Variants in RBFOX1 observed in about 807,000 individuals in gnomAD.
The protein encoded by RBFOX1 is RNA binding fox-1 homolog 1, also known as RNA binding protein fox-1 homolog 1.
RBFOX1 carries 8 observed loss-of-function variants against 57.7 expected under a neutral mutation model. That is an observed-to-expected ratio of 0.14 (90% CI 0.08 to 0.25). The LOEUF is 0.25. Among genes scored for constraint, RBFOX1 ranks in the 10% least tolerant of loss-of-function variants. RBFOX1 has a pLI of 1.00. For missense variants in RBFOX1, 611 were observed against 548.5 expected (o/e 1.11, Z -1.14); for synonymous variants, 326 against 222.4 (o/e 1.47, Z -4.15).
At chr16:5,305,555 T>C (rs2063912526) in intron 1 of RBFOX1, among the ~76,000 whole-genome samples, 1 of 152,220 alleles carries the variant, frequency 6.6e-6, no homozygotes, top group Admixed American at 6.5e-5. Flanking sequence ...GCTGTTAGGA[T>C]CTGTGAGATT....
chr16:6,642,694 C>G (rs1389773252), intron 2 of RBFOX1, among the ~76,000 whole-genome samples: 4 of 152,060 alleles, frequency 2.6e-5, no homozygotes, highest in Non-Finnish European at 5.9e-5. Context: ...GATGAAAAGC[C>G]TGCTGTCTTT....
intron 3 of RBFOX1, among the ~76,000 whole-genome samples, chr16:5,759,070 TG>T (rs1216140872): frequency 6.6e-6 from 1 of 152,190 alleles, no homozygotes; most frequent in African/African-American, 2.4e-5. Context: ...TTCCATAAAA[TG>T]GGGAGGCTAC....
At chr16:5,249,557 T>C (rs2062393016) in intron 1 of RBFOX1, among the ~76,000 whole-genome samples, 1 of 152,254 alleles carries the variant, frequency 6.6e-6, no homozygotes, top group African/African-American at 2.4e-5. Flanking sequence ...CTGCCTTTCC[T>C]GCCTTGGACT....
intron 4 of RBFOX1, among the ~76,000 whole-genome samples, chr16:7,134,491 G>C (rs1302309100): frequency 6.6e-6 from 1 of 152,120 alleles, no homozygotes; most frequent in Admixed American, 6.6e-5. Flanking sequence ...TCATTTGATC[G>C]TATTGCTGTT....
intron 4 of RBFOX1, among the ~76,000 whole-genome samples, chr16:7,149,029 C>G: frequency 6.6e-6 from 1 of 152,296 alleles, no homozygotes; most frequent in Middle Eastern, 3.4e-3. Flanking sequence ...AGGGAAGGGG[C>G]CTTCTGGTCT....
chr16:5,500,347 C>T (rs530791954), intron 2 of RBFOX1, among the ~76,000 whole-genome samples: 1 of 152,182 alleles, frequency 6.6e-6, no homozygotes, highest in Admixed American at 6.5e-5. Flanking sequence ...CTCAGCCACA[C>T]AAGTAGCTGA....
At chr16:6,498,108 C>T (rs1316468989) in intron 2 of RBFOX1, among the ~76,000 whole-genome samples, 4 of 151,766 alleles carry the variant, frequency 2.6e-5, no homozygotes, top group East Asian at 2.0e-4. Flanking sequence ...AAAAAATAGC[C>T]GGGCATGGTG....
rs2095879341 is a variant in RBFOX1, at chr16:6,075,065, G to C, written c.-127+55073G>C. 5.3e-5 allele frequency among the ~76,000 whole-genome samples: 8 copies of C among 152,216 alleles called. No homozygotes were observed. The South Asian group carries it at 1.7e-3, about 32-fold the overall frequency. ...GAACAGAGAGGGGGTTCTTTCACTA[G>C]AGAAGCTGGATGGTCAATAATAAAG... On this transcript the variant is annotated intron_variant, in intron 1 of 15. Transcript: ENST00000550418.
At chr16:6,000,989 C>G (rs1250289546) in intron 4 of RBFOX1, among the ~76,000 whole-genome samples, 1 of 150,626 alleles carries the variant, frequency 6.6e-6, no homozygotes, top group African/African-American at 2.4e-5. Context: ...GGATGGATAG[C>G]TGGGTGGATT....
intron 2 of RBFOX1, among the ~76,000 whole-genome samples, chr16:6,476,655 C>T (rs1343363886): frequency 6.6e-6 from 1 of 152,088 alleles, no homozygotes; most frequent in Non-Finnish European, 1.5e-5. Context: ...TTGTACTGGT[C>T]AGGGTGGTAG....
At chr16:6,260,073 G>C (rs1238376251) in intron 1 of RBFOX1, among the ~76,000 whole-genome samples, 1 of 151,640 alleles carries the variant, frequency 6.6e-6, no homozygotes, top group African/African-American at 2.4e-5. Flanking sequence ...TTGAGTTTTC[G>C]AATTCTAGTA....
intron 3 of RBFOX1, among the ~76,000 whole-genome samples, chr16:6,731,835 T>G (rs2068690178): frequency 6.6e-6 from 1 of 152,164 alleles, no homozygotes; most frequent in Non-Finnish European, 1.5e-5. Context: ...CAACGTTTTC[T>G]AAAATCCTTG....
chr16:6,277,497 C>G (rs1599096717), intron 1 of RBFOX1, among the ~76,000 whole-genome samples: 2 of 141,690 alleles, frequency 1.4e-5, no homozygotes, highest in South Asian at 4.5e-4. Context: ...TTTATCAGGA[C>G]ACAGAGGCTC....
At chr16:7,410,468 G>C (rs2098412721) in intron 4 of RBFOX1, among the ~76,000 whole-genome samples, 1 of 152,174 alleles carries the variant, frequency 6.6e-6, no homozygotes, top group African/African-American at 2.4e-5. Context: ...GATTACATGA[G>C]GTTGGGAGTT....
chr16:7,291,523 C>G (rs1272872927), intron 4 of RBFOX1, among the ~76,000 whole-genome samples: 1 of 151,982 alleles, frequency 6.6e-6, no homozygotes, highest in Non-Finnish European at 1.5e-5. Flanking sequence ...TTCAGAGCAG[C>G]AAAGGAAGAT....
At chr16:5,874,273 A>C (rs191859023) in intron 4 of RBFOX1, among the ~76,000 whole-genome samples, 3 of 152,234 alleles carry the variant, frequency 2.0e-5, no homozygotes, top group South Asian at 2.1e-4. Context: ...CAAGGGATCA[A>C]TGGTCCTCTG....
chr16:6,959,344 A>G (rs2082478530), intron 3 of RBFOX1, among the ~76,000 whole-genome samples: 1 of 152,218 alleles, frequency 6.6e-6, no homozygotes. Context: ...TGTTTTCAAT[A>G]CATCTGATAA....
At chr16:6,798,950 G>C (rs984161463) in intron 3 of RBFOX1, among the ~76,000 whole-genome samples, 4 of 152,088 alleles carry the variant, frequency 2.6e-5, no homozygotes, top group Non-Finnish European at 2.9e-5. Flanking sequence ...TCTTCAAATG[G>C]CTACTTGTTA....
chr16:5,258,912 G>GA lies in RBFOX1; in HGVS notation c.219+18819dup, dbSNP rs112423898. On this transcript the variant is annotated intron_variant, in intron 1 of 2. Coordinates refer to the RBFOX1 transcript ENST00000585867. Reference sequence around the variant, plus strand: ...GCCTGGGTGGCAAGAACGAATCTCTGAAAAAAAAAAAAGAAGTCTCTCACT... The same window carrying GA: ...GCCTGGGTGGCAAGAACGAATCTCTGAAAAAAAAAAAAAGAAGTCTCTCACT... Among the ~76,000 whole-genome samples, 415 of 141,536 alleles carry GA rather than the reference G, an allele frequency of 2.9e-3. 1 individual carries two copies. The highest frequency in any genetic ancestry group is 7.1e-3 in the Middle Eastern group (2 of 280). The allele number at this position is 141,536 out of a possible 152,430, so 92.9% of individuals were successfully genotyped here.
Sources: allele counts gnomAD v4.1 joint callset (sites outside exome capture counted in the v4.1 genomes callset), GRCh38; gene constraint gnomAD v4.1.1; transcripts MANE v1.5; gene names NCBI Gene and HGNC (gene_info 2026-07-23, HGNC 2026-07-21).